The following RNF121 variants were observed in gnomAD, a reference collection of about 807,000 sequenced individuals.
RNF121 encodes ring finger protein 121, also known as E3 ubiquitin ligase RNF121.
RNF121 carries 21 observed loss-of-function variants against 46.5 expected under a neutral mutation model. The observed-to-expected ratio is 0.45, with a 90% CI of 0.32 to 0.65. The LOEUF (loss-of-function observed/expected upper bound fraction) is 0.65. RNF121 is among the 30% of genes least tolerant of loss of function. The pLI is 0.04. For synonymous variants in RNF121, 139 were observed against 144.7 expected, an observed-to-expected ratio of 0.96 and a Z score of 0.28; for missense variants, 346 against 416.0, an observed-to-expected ratio of 0.83 and a Z score of 1.46.
At chr11:71,946,671 C>T (rs1253374464) in intron 1 of RNF121, among the ~76,000 whole-genome samples, 1 of 144,718 alleles carries the variant, frequency 6.9e-6, no homozygotes, top group Non-Finnish European at 1.5e-5. Context: ...TTTAGAGTGA[C>T]GGAAATGATT....
At chr11:71,983,007 C>T (rs986288447) in intron 4 of RNF121, 92 bp downstream of exon 4, 2 of 1,306,380 alleles carry the variant, frequency 1.5e-6, no homozygotes, top group African/African-American at 3.0e-5. Flanking sequence ...TGAAAAAATT[C>T]CTGGTTTTGT....
chr11:71,945,011 G>A (rs1351935000), intron 1 of RNF121, among the ~76,000 whole-genome samples: 1 of 150,634 alleles, frequency 6.6e-6, no homozygotes, highest in Non-Finnish European at 1.5e-5. Flanking sequence ...TTTTTTTTGA[G>A]ACAGGGTCTT....
intron 1 of RNF121, among the ~76,000 whole-genome samples, chr11:71,946,593 T>TTGG (rs1953724362): frequency 6.6e-6 from 1 of 151,200 alleles, no homozygotes; most frequent in Non-Finnish European, 1.5e-5. Flanking sequence ...TAAAAGAAAT[T>TTGG]AATGGTTACC....
chr11:71,949,969 C>G (rs986582846), intron 1 of RNF121, among the ~76,000 whole-genome samples: 4 of 152,062 alleles, frequency 2.6e-5, no homozygotes, highest in Admixed American at 2.6e-4. Context: ...CCAGTGCACT[C>G]CAGTCTGGGC....
chr11:71,989,284 C>T (rs1468979403), intron 5 of RNF121, among the ~76,000 whole-genome samples: 1 of 152,094 alleles, frequency 6.6e-6, no homozygotes, highest in Non-Finnish European at 1.5e-5. Context: ...TTTCACCATG[C>T]TGGCGAGGCT....
intron 1 of RNF121, among the ~76,000 whole-genome samples, chr11:71,956,090 A>AT (rs1373317976): frequency 6.6e-6 from 1 of 152,198 alleles, no homozygotes; most frequent in African/African-American, 2.4e-5. Context: ...CAGTAGTAGA[A>AT]TGAAGTTCTA....
chr11:71,973,934 T>G (rs991859690), intron 3 of RNF121, among the ~76,000 whole-genome samples: 7 of 152,130 alleles, frequency 4.6e-5, no homozygotes, highest in South Asian at 2.1e-4. Flanking sequence ...CCCTGTATTT[T>G]TTTGTTTGTT....
chr11:71,958,743 G>T (rs545018238), intron 2 of RNF121, among the ~76,000 whole-genome samples: 1 of 152,296 alleles, frequency 6.6e-6, no homozygotes, highest in African/African-American at 2.4e-5. Flanking sequence ...CAATGTGCCA[G>T]ACACTGCTGG....
chr11:71,963,819 A>G (rs752014499), intron 3 of RNF121, among the ~76,000 whole-genome samples: 4 of 152,142 alleles, frequency 2.6e-5, no homozygotes, highest in Non-Finnish European at 5.9e-5. Context: ...AAATCAATTG[A>G]TCAAAGATAT....
intron 1 of RNF121, among the ~76,000 whole-genome samples, chr11:71,951,659 A>G (rs947218770): frequency 1.1e-4 from 17 of 151,348 alleles, no homozygotes; most frequent in Non-Finnish European, 2.2e-4. Flanking sequence ...AAAAAAAACC[A>G]TGGACAAAGG....
At chr11:71,987,253 G>C in intron 5 of RNF121, 142 bp downstream of exon 5, 1 of 618,346 alleles carries the variant, frequency 1.6e-6, no homozygotes, top group African/African-American at 1.8e-5. Context: ...GGGGATGGGA[G>C]AAGACAGGCT....
chr11:71,934,156 G>A (rs1453111028), intron 1 of RNF121, among the ~76,000 whole-genome samples: 1 of 152,140 alleles, frequency 6.6e-6, no homozygotes, highest in Non-Finnish European at 1.5e-5. Flanking sequence ...TTTTCCCCCT[G>A]CCTTTTATGG....
chr11:71,966,340 AGTAATACAT>A (rs1954276397), intron 3 of RNF121, among the ~76,000 whole-genome samples: 1 of 152,174 alleles, frequency 6.6e-6, no homozygotes, highest in African/African-American at 2.4e-5. Context: ...TTTTTATCGA[AGTAATACAT>A]ACCATAGTTT....
intron 6 of RNF121, among the ~76,000 whole-genome samples, chr11:71,993,095 G>T (rs7124429): frequency 0.029 from 4,354 of 152,150 alleles, 227 homozygotes; most frequent in African/African-American, 0.099. Flanking sequence ...CAGTACATTG[G>T]ATCACTTTAT....
Position 71,988,379 on chromosome 11 carries a change from G to A in RNF121, c.506+1268G>A, listed in dbSNP as rs117049677. Among the ~76,000 whole-genome samples, 51 of 152,256 alleles carry A rather than the reference G, an allele frequency of 3.3e-4. 1 individual carries two copies. In the East Asian group the frequency reaches 9.1e-3, roughly 27 times the overall value. ...GGATCAAGAGGAGCCCTAAGCCTAC[G>A]ACAGTGCACTGAAGCTAGAGATCTA... is the stretch of plus-strand genomic sequence containing the variant. On this transcript the variant is annotated intron_variant, in intron 5 of 8. Transcript: ENST00000361756.
At chr11:71,982,246 G>T (rs1037458290) in intron 3 of RNF121, among the ~76,000 whole-genome samples, 4 of 145,504 alleles carry the variant, frequency 2.7e-5, no homozygotes, top group Non-Finnish European at 5.9e-5. Flanking sequence ...TGAGGCAAGA[G>T]AATCGCTTAA....
chr11:71,934,892 A>G (rs1218845047), intron 1 of RNF121, among the ~76,000 whole-genome samples: 1 of 151,664 alleles, frequency 6.6e-6, no homozygotes, highest in African/African-American at 2.4e-5. Flanking sequence ...GAAATAATAC[A>G]GATTACTTAT....
chr11:71,970,882 A>T (rs939794697), intron 3 of RNF121, among the ~76,000 whole-genome samples: 5 of 152,200 alleles, frequency 3.3e-5, no homozygotes, highest in African/African-American at 9.7e-5. Context: ...GACAAAATGC[A>T]GATCTCAGAG....
chr11:71,951,877 G>A (rs1953889872), intron 1 of RNF121, among the ~76,000 whole-genome samples: 1 of 152,174 alleles, frequency 6.6e-6, no homozygotes, highest in African/African-American at 2.4e-5. Flanking sequence ...TGGTGGGACT[G>A]TAAAATGGTA....
Sources: allele counts gnomAD v4.1 joint callset (sites outside exome capture counted in the v4.1 genomes callset), GRCh38; gene constraint gnomAD v4.1.1; transcripts MANE v1.5; gene names NCBI Gene and HGNC (gene_info 2026-07-23, HGNC 2026-07-21).